COX14: variants seen among roughly 807,000 people sequenced by gnomAD.
COX14 encodes cytochrome c oxidase assembly factor COX14, also known as cytochrome c oxidase assembly protein COX14.
In COX14, 3 loss-of-function variants were observed where a neutral mutation model predicts 5.8. The ratio of observed to expected loss-of-function variants is 0.51; its 90% confidence interval spans 0.23 to 1.33. The LOEUF (loss-of-function observed/expected upper bound fraction) is 1.33, where lower values mean the gene tolerates loss of function less well. Among genes scored for constraint, COX14 ranks in the 40% most tolerant of loss-of-function variants. The pLI, the probability that COX14 is intolerant of heterozygous loss-of-function variation, is 0.18. For synonymous variants in COX14, 25 were observed against 26.1 expected, an observed-to-expected ratio of 0.96 and a Z score of 0.13; for missense variants, 72 against 72.1, an observed-to-expected ratio of 1.00 and a Z score of 0.01.
At chr12:50,113,890 C>T (rs1951054144) in intron 1 of COX14, among the ~76,000 whole-genome samples, 1 of 151,962 alleles carries the variant, frequency 6.6e-6, no homozygotes, top group Non-Finnish European at 1.5e-5. Flanking sequence ...ACTTCTGCCT[C>T]CCAAAGTACT....
rs760470809 is a variant in COX14, at chr12:50,120,070, C to T, written c.27C>T (p.Asp9=). Residue 9 remains aspartate, a synonymous_variant, in exon 2 of 2, where the codon GAC becomes GAT. Coordinates refer to ENST00000550487, the MANE Select transcript of COX14 (RefSeq NM_032901.4). ...TGCCAACTGGCAAGCAGCTAGCTGACATTGGCTATAAGACCTTCTCTACCT... is the reference window on the plus strand; with the variant it reads ...TGCCAACTGGCAAGCAGCTAGCTGATATTGGCTATAAGACCTTCTCTACCT... MPTGKQLA[D]IGYKTFSTSM... 4 of 1,614,120 alleles carry T rather than the reference C, an allele frequency of 2.5e-6. No homozygotes were observed. The East Asian group carries it at 8.9e-5, about 36-fold the overall frequency.
chr12:50,120,024 C>T lies in COX14; in HGVS notation c.-8-12C>T, dbSNP rs775604711. On this transcript the variant is annotated splice_polypyrimidine_tract_variant and intron_variant, in intron 1 of 1. Coordinates refer to ENST00000550487, the MANE Select transcript of COX14 (RefSeq NM_032901.4). ...CCTTATCCTCAGGTCTAAATTCAAT[C>T]TGTCTTTGTAGGGGACAAGATGCCA... 10 of 1,611,716 alleles carry T rather than the reference C, an allele frequency of 6.2e-6. No homozygotes were observed. The highest frequency in any genetic ancestry group is 8.5e-6 in the Non-Finnish European group (10 of 1,177,848).
rs550651449 is a variant in COX14, at chr12:50,116,899, A to C, written c.-8-3137A>C. 3.3e-5 allele frequency among the ~76,000 whole-genome samples: 5 copies of C among 152,234 alleles called. 1 individual carries two copies. In the South Asian group the frequency reaches 1.0e-3, roughly 31 times the overall value. The stretch of plus-strand genomic sequence containing the variant: ...CAGCTCAGCTTGGGGTCCACACTCA[A>C]GACCTGCCTCAAAGGCAATGTTCAG... On this transcript the variant is annotated intron_variant, in intron 1 of 1. Coordinates refer to ENST00000550487, the MANE Select transcript of COX14 (RefSeq NM_032901.4).
Position 50,120,404 on chromosome 12 carries a change from G to A in COX14, c.*187G>A, listed in dbSNP as rs984860821. The A allele has an allele frequency of 7.4e-5, 43 of 578,120 alleles. No individual in the cohort carries two copies. The highest frequency in any genetic ancestry group is 1.2e-4 in the Non-Finnish European group (38 of 318,540). The allele number at this position is 578,120 out of a possible 1,614,324, so 35.8% of individuals were successfully genotyped here. On this transcript the variant is annotated 3_prime_UTR_variant, in exon 2 of 2. Coordinates refer to ENST00000550487, the MANE Select transcript of COX14 (RefSeq NM_032901.4). Reference sequence around the variant, plus strand: ...TTATGGAGGCTTTTGAATCGTAATAGCAATGTGAGGGTGAGGTACACCTAC... The same window carrying A: ...TTATGGAGGCTTTTGAATCGTAATAACAATGTGAGGGTGAGGTACACCTAC...
rs1327647090 is a variant in COX14 at position 50,114,870 on chromosome 12, CAA to C, written c.-9+2570_-9+2571del. On this transcript the variant is annotated intron_variant, in intron 1 of 1. Transcript: ENST00000550487. ...GCAACTTCCGCCTCCTGGGTTCAAG[CAA>C]TTCTCCTGCGTCAGCCTCCAGAGTA... Among the ~76,000 whole-genome samples, 8 of 129,190 alleles carry C rather than the reference CAA, an allele frequency of 6.2e-5. No individual in the cohort carries two copies. The East Asian group carries it at 2.2e-3, about 35-fold the overall frequency. The allele number at this position is 129,190 out of a possible 152,430, so 84.8% of individuals were successfully genotyped here. A position where few individuals can be genotyped will look rare whatever the true frequency, so the allele number is the denominator to read the frequency against.
In COX14 at chr12:50,116,093, G is replaced by GT. The variant is rs35100135; in HGVS notation, c.-9+3809dup. Among the ~76,000 whole-genome samples the GT allele has an allele frequency of 3.5e-3, 437 of 125,556 alleles. 3 individuals carry two copies. Among genetic ancestry groups the GT allele is most frequent in the Middle Eastern group, 8.5e-3 (2 of 234 alleles). The allele number at this position is 125,556 out of a possible 152,430, so 82.4% of individuals were successfully genotyped here. A position where few individuals can be genotyped will look rare whatever the true frequency, so the allele number is the denominator to read the frequency against. On this transcript the variant is annotated intron_variant, in intron 1 of 1. Transcript: ENST00000550487. ...ACTGCTTTAGCTCAGAATCTGAAGA[G>GT]TTTTTTTTTTTTTTTTTGAGACAGA...
intron 1 of COX14, among the ~76,000 whole-genome samples, chr12:50,113,582 C>T (rs527735892): frequency 2.2e-4 from 34 of 151,836 alleles, no homozygotes; most frequent in African/African-American, 8.0e-4. Flanking sequence ...GGATTACAGG[C>T]GTGAGCCACT....
At chr12:50,112,374 C>T (rs1220981265) in intron 1 of COX14, 73 bp downstream of exon 1, 2 of 985,664 alleles carry the variant, frequency 2.0e-6, no homozygotes, top group Non-Finnish European at 1.2e-6. Flanking sequence ...CCAGTCTCCG[C>T]TTGCCGCGTC....
Position 50,120,154 on chromosome 12 carries a change from T to C in COX14, c.111T>C (p.Tyr37=), listed in dbSNP as rs772559158. 6.2e-7 allele frequency: 1 copy of C among 1,614,064 alleles called. No homozygotes were observed. The highest frequency in any genetic ancestry group is 2.2e-5 in the East Asian group (1 of 44,894). The change falls in exon 2 of 2, where the codon TAT becomes TAC. Residue 37 remains tyrosine, a synonymous_variant. Transcript: ENST00000550487. ...GYLCSVRVYH[Y]FQWRRAQRQA... ...TCTGCAGTGTCCGAGTCTACCACTA[T>C]TTCCAGTGGCGCAGGGCCCAGCGCC...
At chr12:50,119,967 G>A (rs1310999039) in intron 1 of COX14, 69 bp from the exon 2 acceptor site, 31 of 1,260,818 alleles carry the variant, frequency 2.5e-5, no homozygotes, top group Admixed American at 5.1e-5. Context: ...ATGGAATGGC[G>A]TTAAACAGGG....
chr12:50,113,852 C>T (rs1191614573), intron 1 of COX14, among the ~76,000 whole-genome samples: 1 of 151,918 alleles, frequency 6.6e-6, no homozygotes, highest in East Asian at 1.9e-4. Flanking sequence ...AAGATGGTCT[C>T]GAACTCCTGA....
At chr12:50,119,533 A>G (rs1951111482) in intron 1 of COX14, among the ~76,000 whole-genome samples, 1 of 152,210 alleles carries the variant, frequency 6.6e-6, no homozygotes, top group Admixed American at 6.5e-5. Context: ...CTGTCTCTAC[A>G]AAAGTAGAAA....
intron 1 of COX14, among the ~76,000 whole-genome samples, chr12:50,117,400 T>C (rs1951090163): frequency 6.6e-6 from 1 of 152,068 alleles, no homozygotes. Context: ...TAAGTGTCTC[T>C]GCCTACAGTG....
At chr12:50,116,877 C>T (rs1317011898) in intron 1 of COX14, among the ~76,000 whole-genome samples, 1 of 152,208 alleles carries the variant, frequency 6.6e-6, no homozygotes. Context: ...TGTGTCTCAG[C>T]TCAGCTTGGG....
At position 50,120,109 on chromosome 12, in the gene COX14, C is replaced by T; in HGVS notation, c.66C>T (p.Leu22=). 6.2e-7 allele frequency: 1 copy of T among 1,614,016 alleles called. No homozygotes were observed. Among genetic ancestry groups the T allele is most frequent in the East Asian group, 2.2e-5 (1 of 44,876 alleles). The change falls in exon 2 of 2, where the codon CTC becomes CTT. Residue 22 remains leucine, a synonymous_variant. Transcript: ENST00000550487. The part of the protein sequence containing the change: ...YKTFSTSMML[L]TVYGGYLCSV... ...CCTTCTCTACCTCCATGATGCTTCT[C>T]ACTGTGTATGGGGGGTACCTCTGCA...
At chr12:50,116,091 GAGTT>G (rs1951078301) in intron 1 of COX14, among the ~76,000 whole-genome samples, 3 of 113,440 alleles carry the variant, frequency 2.6e-5, no homozygotes, top group African/African-American at 1.2e-4. Context: ...AGAATCTGAA[GAGTT>G]TTTTTTTTTT....
intron 1 of COX14, chr12:50,112,932 T>TGTTATGTTATGTTAC (rs1224612948): frequency 2.0e-5 from 3 of 152,052 alleles, no homozygotes; most frequent in Non-Finnish European, 4.4e-5. Context: ...TGTTATGTTA[T>TGTTATGTTATGTTAC]GTTATGTTAT....
In COX14 at chr12:50,112,253, G is replaced by T. The variant is rs966787141; in HGVS notation, c.-57G>T. 1.0e-6 allele frequency: 1 copy of T among 973,924 alleles called. No homozygotes were observed. The highest frequency in any genetic ancestry group is 6.1e-5 in the Admixed American group (1 of 16,266). 60.3% of individuals were successfully genotyped at this position (973,924 alleles called of 1,614,324 possible). ...GCGTAGACAGTGGCCTCGAGACCCTGCCTGCCTGAGGAGGCCTCGGTTGGA... is the reference window on the plus strand; with the variant it reads ...GCGTAGACAGTGGCCTCGAGACCCTTCCTGCCTGAGGAGGCCTCGGTTGGA... On this transcript the variant is annotated 5_prime_UTR_variant, in exon 1 of 2. Transcript: ENST00000550487.
intron 1 of COX14, among the ~76,000 whole-genome samples, chr12:50,119,675 A>G (rs751309201): frequency 1.4e-4 from 21 of 152,332 alleles, no homozygotes; most frequent in Non-Finnish European, 3.1e-4. Flanking sequence ...AGCCTGGGCA[A>G]CAGAGTGAGA....
Sources: allele counts gnomAD v4.1 joint callset (sites outside exome capture counted in the v4.1 genomes callset), GRCh38; gene constraint gnomAD v4.1.1; transcripts MANE v1.5; gene names NCBI Gene and HGNC (gene_info 2026-07-23, HGNC 2026-07-21).